PRLR: variants seen among roughly 807,000 people sequenced by gnomAD.
The protein encoded by PRLR is prolactin receptor.
Under a neutral mutation model 40.2 loss-of-function variants are expected in PRLR, and 13 were observed. That is an observed-to-expected ratio of 0.32 (90% CI 0.21 to 0.51). The LOEUF (loss-of-function observed/expected upper bound fraction) is 0.51. PRLR is among the 20% of genes least tolerant of loss of function. PRLR has a pLI of 0.97. For synonymous variants in PRLR, 269 were observed against 278.7 expected (o/e 0.97, Z 0.35); for missense variants, 656 against 747.3 (o/e 0.88, Z 1.42).
At chr5:35,172,879 C>G in intron 1 of PRLR, among the ~76,000 whole-genome samples, 1 of 152,190 alleles carries the variant, frequency 6.6e-6, no homozygotes, top group East Asian at 1.9e-4. Flanking sequence ...GAAATGAGTT[C>G]CGGCCCAGGA....
intron 1 of PRLR, chr5:35,195,145 T>C (rs767644595): frequency 3.3e-5 from 5 of 152,234 alleles, no homozygotes; most frequent in Non-Finnish European, 7.3e-5. Flanking sequence ...TCTTCAGAGT[T>C]CCCTGTCTGG....
intron 1 of PRLR, among the ~76,000 whole-genome samples, chr5:35,225,340 GA>G (rs1381369618): frequency 6.6e-6 from 1 of 152,192 alleles, no homozygotes; most frequent in Non-Finnish European, 1.5e-5. Flanking sequence ...CCAGCAGCAT[GA>G]GGGTGGGGGA....
chr5:35,112,451 C>A (rs764091583), intron 2 of PRLR, among the ~76,000 whole-genome samples: 1 of 151,878 alleles, frequency 6.6e-6, no homozygotes, highest in Non-Finnish European at 1.5e-5. Context: ...CCTTGTCATG[C>A]AAAGCAAGAG....
At position 35,057,892 on chromosome 5, in the gene PRLR, A is replaced by G. The variant is rs1768810027; in HGVS notation, c.*7197T>C. 1 of 152,126 alleles carries G rather than the reference A, an allele frequency of 6.6e-6. No individual in the cohort carries two copies. Among genetic ancestry groups the G allele is most frequent in the Non-Finnish European group, 1.5e-5 (1 of 67,994 alleles). 9.4% of individuals were successfully genotyped at this position (152,126 alleles called of 1,614,324 possible). A position where few individuals can be genotyped will look rare whatever the true frequency, so the allele number is the denominator to read the frequency against. On this transcript the variant is annotated 3_prime_UTR_variant, in exon 10 of 10. Coordinates refer to ENST00000618457, the MANE Select transcript of PRLR (RefSeq NM_000949.7). ...CTAAAATCAAATAAGGAAAAGGGTT[A>G]TTTCTAGGGGGGTTACAGAAGTCAA...
intron 1 of PRLR, among the ~76,000 whole-genome samples, chr5:35,159,991 A>G (rs1419619347): frequency 6.6e-6 from 1 of 152,206 alleles, no homozygotes. Flanking sequence ...TAATGTGACA[A>G]CACTCTTGCA....
chr5:35,053,577 C>T (rs1317472379), downstream of PRLR, among the ~76,000 whole-genome samples: 2 of 152,032 alleles, frequency 1.3e-5, no homozygotes, highest in Non-Finnish European at 2.9e-5. Flanking sequence ...CACTTAAACA[C>T]GGGAGGTGGA....
chr5:35,128,974 C>G (rs1773562170), intron 1 of PRLR, among the ~76,000 whole-genome samples: 2 of 152,196 alleles, frequency 1.3e-5, no homozygotes, highest in Admixed American at 1.3e-4. Context: ...CTGCTGAGCA[C>G]CCAGTCAGTG....
At chr5:35,079,314 A>G (rs143333876) in intron 5 of PRLR, among the ~76,000 whole-genome samples, 15,711 of 152,210 alleles carry the variant, frequency 0.1, 1,329 homozygotes, top group African/African-American at 0.23. Context: ...AAACCCCATC[A>G]TCTCAGCCCA....
chr5:35,126,356 A>T (rs1773464515), intron 1 of PRLR, among the ~76,000 whole-genome samples: 1 of 152,172 alleles, frequency 6.6e-6, no homozygotes, highest in Non-Finnish European at 1.5e-5. Context: ...GTGCTTTGAG[A>T]TTCTTTAAGG....
chr5:35,102,409 T>C (rs1771939913), intron 2 of PRLR, among the ~76,000 whole-genome samples: 1 of 151,854 alleles, frequency 6.6e-6, no homozygotes, highest in Admixed American at 6.6e-5. Context: ...CTTTTTAGTG[T>C]CTTTTTCTCT....
Position 35,065,357 on chromosome 5 carries a change from G to T in PRLR, c.1601C>A (p.Pro534His). The T allele has an allele frequency of 2.5e-6, 4 of 1,614,054 alleles. No individual in the cohort carries two copies. The highest frequency in any genetic ancestry group is 3.4e-6 in the Non-Finnish European group (4 of 1,180,026). ...GTTCTCAGGAGTCCCGGGCTTCTTG[G>T]GCTTGCCGCTGTTCTCTCTCTGTTT... ...LPKQRENSGKPKKPGTPENNK... is the reference protein window; with the variant it reads ...LPKQRENSGKHKKPGTPENNK... The change falls in exon 10 of 10, where the codon CCC becomes CAC. Residue 534 changes from proline to histidine, a missense_variant. By Grantham distance (77) the Pro-to-His change is moderately conservative. Transcript: ENST00000618457.
At chr5:35,199,576 G>A (rs1302245817) in intron 1 of PRLR, among the ~76,000 whole-genome samples, 1 of 47,050 alleles carries the variant, frequency 2.1e-5, no homozygotes, top group East Asian at 2.4e-4. Context: ...TTCAAAAATT[G>A]GAAATTGAAA....
intron 1 of PRLR, among the ~76,000 whole-genome samples, chr5:35,150,744 G>A (rs1027798853): frequency 6.6e-5 from 10 of 152,098 alleles, no homozygotes; most frequent in African/African-American, 2.4e-4. Context: ...GACCATAGGA[G>A]GTAAGAATAG....
At chr5:35,140,711 C>G (rs1399100352) in intron 1 of PRLR, among the ~76,000 whole-genome samples, 1 of 152,212 alleles carries the variant, frequency 6.6e-6, no homozygotes, top group Non-Finnish European at 1.5e-5. Context: ...AACATCAGGG[C>G]TGCCATTCAG....
chr5:35,229,423 A>T (rs1287704657), intron 1 of PRLR, among the ~76,000 whole-genome samples: 2 of 152,114 alleles, frequency 1.3e-5, no homozygotes, highest in Non-Finnish European at 2.9e-5. Context: ...TTGCTTCCCC[A>T]GGATACAGGT....
chr5:35,139,114 A>G (rs928552870), intron 1 of PRLR, among the ~76,000 whole-genome samples: 2 of 152,074 alleles, frequency 1.3e-5, no homozygotes, highest in African/African-American at 4.8e-5. Context: ...GTTTGAATAA[A>G]CATATTAGCC....
intron 1 of PRLR, among the ~76,000 whole-genome samples, chr5:35,141,669 T>C (rs1774029142): frequency 6.6e-6 from 1 of 152,198 alleles, no homozygotes. Context: ...GGCTAATAGT[T>C]CAACCAAATG....
chr5:35,204,054 T>A (rs1279823972), intron 1 of PRLR, among the ~76,000 whole-genome samples: 1 of 152,090 alleles, frequency 6.6e-6, no homozygotes, highest in Non-Finnish European at 1.5e-5. Context: ...GAGGGACATG[T>A]GTGTTTCTTA....
At chr5:35,208,870 G>A (rs1262974062) in intron 1 of PRLR, among the ~76,000 whole-genome samples, 2 of 151,944 alleles carry the variant, frequency 1.3e-5, no homozygotes, top group African/African-American at 2.4e-5. Context: ...GGTAGTGAGT[G>A]TATGAAAAAA....
Sources: gnomAD v4.1 joint callset for allele counts (sites outside exome capture counted in the v4.1 genomes callset) on GRCh38, gnomAD v4.1.1 for gene constraint, MANE v1.5 for transcripts, NCBI Gene and HGNC (gene_info 2026-07-23, HGNC 2026-07-21) for gene names.